The following FBXL4 variants were observed in gnomAD, a reference collection of about 807,000 sequenced individuals.
The protein encoded by FBXL4 is F-box and leucine rich repeat protein 4.
FBXL4 carries 40 observed loss-of-function variants against 58.9 expected under a neutral mutation model. The observed-to-expected ratio is 0.68, with a 90% CI of 0.53 to 0.88. The LOEUF (loss-of-function observed/expected upper bound fraction) is 0.88, where lower values mean the gene tolerates loss of function less well. FBXL4 is among the 40% of genes least tolerant of loss of function. The pLI, the probability that FBXL4 is intolerant of heterozygous loss-of-function variation, is 0.00. For synonymous variants in FBXL4, 263 were observed against 265.5 expected, an observed-to-expected ratio of 0.99 and a Z score of 0.09; for missense variants, 676 against 734.4, an observed-to-expected ratio of 0.92 and a Z score of 0.92.
In FBXL4 at chr6:98,875,474, TCA is replaced by T. The variant is rs765882664; in HGVS notation, c.1641_1642del (p.Cys547Ter). 325 of 1,614,128 alleles carry T rather than the reference TCA, an allele frequency of 2.0e-4. No homozygotes were observed. Among genetic ancestry groups the T allele is most frequent in the Non-Finnish European group, 2.4e-4 (285 of 1,179,976 alleles). Reference sequence around the variant, plus strand: ...ACATGCCAATTCATCAATGTCTGTGTCACACACAGATCTATTAGCTGTAAGAA... The same window carrying T: ...ACATGCCAATTCATCAATGTCTGTGTCACACAGATCTATTAGCTGTAAGAA... On this transcript the variant is annotated stop_gained and frameshift_variant, in exon 9 of 10. Coordinates refer to ENST00000369244, the MANE Select transcript of FBXL4 (RefSeq NM_001278716.2). LOFTEE classifies it high-confidence loss of function.
chr6:98,910,382 G>A (rs539401037), intron 5 of FBXL4, among the ~76,000 whole-genome samples: 2 of 152,278 alleles, frequency 1.3e-5, no homozygotes, highest in South Asian at 2.1e-4. Flanking sequence ...GGCCGGGCAC[G>A]GTGGCTCACG....
At chr6:98,895,205 G>C (rs1445599617) in intron 7 of FBXL4, among the ~76,000 whole-genome samples, 2 of 152,164 alleles carry the variant, frequency 1.3e-5, no homozygotes, top group Non-Finnish European at 2.9e-5. Flanking sequence ...ATTATGTATT[G>C]ATTCTACAAA....
Position 98,870,666 on chromosome 6 carries a change from A to T in FBXL4, c.*3612T>A, listed in dbSNP as rs1168590648. 2 of 152,252 alleles carry T rather than the reference A, an allele frequency of 1.3e-5. No individual in the cohort carries two copies. Among genetic ancestry groups the T allele is most frequent in the African/African-American group, 4.8e-5 (2 of 41,466 alleles). 9.4% of individuals were successfully genotyped at this position (152,252 alleles called of 1,614,324 possible). A position where few individuals can be genotyped will look rare whatever the true frequency, so the allele number is the denominator to read the frequency against. Reference sequence around the variant, plus strand: ...ACCCATAACATCAAAACAAGAGAAAAAAAGAAAAGTAGACTTGAAGTGACA... The same window carrying T: ...ACCCATAACATCAAAACAAGAGAAATAAAGAAAAGTAGACTTGAAGTGACA... On this transcript the variant is annotated 3_prime_UTR_variant, in exon 10 of 10. Coordinates refer to ENST00000369244, the MANE Select transcript of FBXL4 (RefSeq NM_001278716.2).
chr6:98,904,452 C>T (rs891683897), intron 6 of FBXL4, among the ~76,000 whole-genome samples: 1 of 152,166 alleles, frequency 6.6e-6, no homozygotes, highest in African/African-American at 2.4e-5. Flanking sequence ...AACATCATTA[C>T]TTCATTTAAA....
chr6:98,891,615 G>A, intron 7 of FBXL4, among the ~76,000 whole-genome samples: 1 of 151,712 alleles, frequency 6.6e-6, no homozygotes, highest in Non-Finnish European at 1.5e-5. Flanking sequence ...GGCTGGATGT[G>A]GTGGCTCATG....
At chr6:98,936,029 C>T (rs1046502533) in intron 1 of FBXL4, among the ~76,000 whole-genome samples, 5 of 152,042 alleles carry the variant, frequency 3.3e-5, no homozygotes, top group African/African-American at 1.2e-4. Flanking sequence ...TATTTTTGTA[C>T]ATTAACATAG....
intron 7 of FBXL4, chr6:98,897,170 T>A (rs964732966): frequency 1.0e-6 from 1 of 984,796 alleles, no homozygotes; most frequent in African/African-American, 1.7e-5. Context: ...AAATGAGGCA[T>A]TTAAATCCTC....
chr6:98,898,078 T>C (rs1268772372), intron 7 of FBXL4, among the ~76,000 whole-genome samples: 2 of 152,034 alleles, frequency 1.3e-5, no homozygotes, highest in African/African-American at 2.4e-5. Context: ...GAAATGAAAC[T>C]TGATGATATG....
At chr6:98,899,236 T>C in intron 7 of FBXL4, 32 bp downstream of exon 7, 6 of 1,608,640 alleles carry the variant, frequency 3.7e-6, no homozygotes, top group Non-Finnish European at 5.1e-6. Context: ...GCTACCATAA[T>C]AGCAATGATG....
At chr6:98,936,848 G>A (rs1047403893) in intron 1 of FBXL4, among the ~76,000 whole-genome samples, 1 of 152,148 alleles carries the variant, frequency 6.6e-6, no homozygotes, top group Non-Finnish European at 1.5e-5. Context: ...AGGATCAACT[G>A]TATTATTTTG....
Position 98,875,576 on chromosome 6 carries a change from C to G in FBXL4, c.1541G>C (p.Trp514Ser). Residue 514 changes from tryptophan (W) to serine (S), a missense_variant, in exon 9 of 10, where the codon TGG becomes TCG. Trp to Ser is a radical substitution (Grantham distance 177). Coordinates refer to ENST00000369244, the MANE Select transcript of FBXL4 (RefSeq NM_001278716.2). ...GGTGCTGCTCTGCAGAGTTGGGCAC[C>G]AGCCAAGGTCAAGCTCCTCCAGTAG... ...CPLLEELDLG[W>S]CPTLQSSTGC... The G allele has an allele frequency of 6.2e-7, 1 of 1,614,134 alleles. No homozygotes were observed. The highest frequency in any genetic ancestry group is 8.5e-7 in the Non-Finnish European group (1 of 1,180,012).
Position 98,872,833 on chromosome 6 carries a change from T to A in FBXL4, c.*1445A>T, listed in dbSNP as rs1251385527. The A allele has an allele frequency of 1.3e-5, 2 of 152,212 alleles. No homozygotes were observed. The highest frequency in any genetic ancestry group is 4.1e-4 in the South Asian group (2 of 4,826). The allele number at this position is 152,212 out of a possible 1,614,324, so 9.4% of individuals were successfully genotyped here. ...CCACTAGCAGCTGTATGATCATAAA[T>A]AAATTCTTCAATCTTTCTTTGCCTC... On this transcript the variant is annotated 3_prime_UTR_variant, in exon 10 of 10. Transcript: ENST00000369244.
rs267601175 is a variant in FBXL4 at position 98,926,848 on chromosome 6, G to A, written c.141C>T (p.Leu47=). ...TGGCATACTGGACTACCTCTGCATT[G>A]AGAGGGGAAGTCTGGCTGTTTGATT... The part of the protein sequence containing the change: ...AIESNSQTSP[L]NAEVVQYAKE... Residue 47 remains leucine (L), a synonymous_variant, in exon 4 of 10, where the codon CTC becomes CTT. Transcript: ENST00000369244. 2 of 1,614,174 alleles carry A rather than the reference G, an allele frequency of 1.2e-6. No individual in the cohort carries two copies. The highest frequency in any genetic ancestry group is 1.1e-5 in the South Asian group (1 of 91,082).
rs1373967872 is a variant in FBXL4 at position 98,874,249 on chromosome 6, A to AT, written c.*28dup. The stretch of plus-strand genomic sequence containing the variant: ...CCAAAATTAAACCCCAACAAAGCAC[A>AT]TTAATTTTAATACAGAACATATATT... On this transcript the variant is annotated 3_prime_UTR_variant, in exon 10 of 10. Transcript: ENST00000369244. The AT allele has an allele frequency of 3.3e-6, 5 of 1,492,624 alleles. No homozygotes were observed. The African/African-American group carries it at 7.2e-5, about 21-fold the overall frequency. The allele number at this position is 1,492,624 out of a possible 1,614,324, so 92.5% of individuals were successfully genotyped here. A position where few individuals can be genotyped will look rare whatever the true frequency, so the allele number is the denominator to read the frequency against.
intron 9 of FBXL4, among the ~76,000 whole-genome samples, 156 bp from the exon 10 acceptor site, chr6:98,874,597 T>C (rs1054111922): frequency 2.6e-5 from 4 of 152,214 alleles, no homozygotes; most frequent in Admixed American, 2.6e-4. Context: ...TGACTTCATA[T>C]TGAAATGGTT....
chr6:98,874,269 T>C lies in FBXL4; in HGVS notation c.*9A>G, dbSNP rs185850413. 1.4e-3 allele frequency: 2,218 copies of C among 1,568,334 alleles called. No homozygotes were observed. The highest frequency in any genetic ancestry group is 1.8e-3 in the Non-Finnish European group (2,071 of 1,164,128). On this transcript the variant is annotated 3_prime_UTR_variant, in exon 10 of 10. Transcript: ENST00000369244. ...AGCACATTAATTTTAATACAGAACA[T>C]ATATTAAGTCACTGAGTAAAGCTCT...
At chr6:98,907,180 C>T (rs1358369093) in intron 5 of FBXL4, among the ~76,000 whole-genome samples, 1 of 152,094 alleles carries the variant, frequency 6.6e-6, no homozygotes, top group Admixed American at 6.6e-5. Flanking sequence ...CAGGGGCAAA[C>T]CAGGTGAAAA....
At chr6:98,901,014 T>A (rs1175341069) in intron 6 of FBXL4, among the ~76,000 whole-genome samples, 4 of 152,158 alleles carry the variant, frequency 2.6e-5, no homozygotes, top group Non-Finnish European at 4.4e-5. Flanking sequence ...GCTTCTACTA[T>A]CATCCAGGCA....
chr6:98,933,677 T>C (rs2128409285), intron 2 of FBXL4, among the ~76,000 whole-genome samples: 1 of 152,318 alleles, frequency 6.6e-6, no homozygotes, highest in South Asian at 2.1e-4. Context: ...GACTATGAAC[T>C]CCCCAAGTTC....
Sources: gnomAD v4.1 joint callset for allele counts (sites outside exome capture counted in the v4.1 genomes callset) on GRCh38, gnomAD v4.1.1 for gene constraint, MANE v1.5 for transcripts, NCBI Gene and HGNC (gene_info 2026-07-23, HGNC 2026-07-21) for gene names.